Variants in SEPTIN11 observed in about 807,000 individuals in gnomAD.
SEPTIN11 encodes the protein septin 11.
In SEPTIN11, 25 loss-of-function variants were observed where a neutral mutation model predicts 51.4. The observed-to-expected ratio is 0.49, with a 90% CI of 0.35 to 0.68. The LOEUF (loss-of-function observed/expected upper bound fraction) is 0.68. SEPTIN11 is among the 30% of genes least tolerant of loss of function. SEPTIN11 has a pLI of 0.00. For synonymous variants in SEPTIN11, 174 were observed against 184.1 expected (o/e 0.95, Z 0.44); for missense variants, 381 against 520.8 (o/e 0.73, Z 2.61).
chr4:77,022,888 G>A (rs946965703), intron 7 of SEPTIN11, among the ~76,000 whole-genome samples: 2 of 152,170 alleles, frequency 1.3e-5, no homozygotes, highest in African/African-American at 2.4e-5. Flanking sequence ...TGCCACTTAG[G>A]TCTTTCCACC....
At chr4:76,981,488 T>C (rs561828521) in intron 1 of SEPTIN11, among the ~76,000 whole-genome samples, 19 of 152,352 alleles carry the variant, frequency 1.2e-4, no homozygotes, top group African/African-American at 4.6e-4. Flanking sequence ...CAACAGTATG[T>C]GTGAGAAAAA....
intron 1 of SEPTIN11, among the ~76,000 whole-genome samples, chr4:76,976,963 G>A (rs1334452616): frequency 1.3e-5 from 2 of 152,160 alleles, no homozygotes; most frequent in African/African-American, 4.8e-5. Flanking sequence ...GGAATATAAT[G>A]GTTAAAGTAG....
Position 77,034,722 on chromosome 4 carries a change from C to T in SEPTIN11, c.*210C>T, listed in dbSNP as rs1217682620. On this transcript the variant is annotated 3_prime_UTR_variant, in exon 10 of 10. Coordinates refer to ENST00000264893, the MANE Select transcript of SEPTIN11 (RefSeq NM_018243.4). ...GAATAACCGCGAATGCTCTGTGCAG[C>T]TGGACTCTGTTTCCGGAAAGTAAAT... is the stretch of plus-strand genomic sequence containing the variant. 1 of 1,264,094 alleles carries T rather than the reference C, an allele frequency of 7.9e-7. No individual in the cohort carries two copies. Among genetic ancestry groups the T allele is most frequent in the East Asian group, 3.3e-5 (1 of 30,080 alleles). The allele number at this position is 1,264,094 out of a possible 1,614,324, so 78.3% of individuals were successfully genotyped here.
intron 9 of SEPTIN11, among the ~76,000 whole-genome samples, chr4:77,032,698 G>C (rs186810755): frequency 6.6e-6 from 1 of 152,176 alleles, no homozygotes; most frequent in African/African-American, 2.4e-5. Context: ...GTGCATAAAG[G>C]TTCAAGTTTT....
At chr4:77,012,197 T>C (rs980599250) in intron 4 of SEPTIN11, among the ~76,000 whole-genome samples, 2 of 152,134 alleles carry the variant, frequency 1.3e-5, no homozygotes, top group South Asian at 4.1e-4. Flanking sequence ...ACTTCCAGGT[T>C]TGTTTACTTT....
chr4:76,977,877 G>A (rs1000600418), intron 1 of SEPTIN11, among the ~76,000 whole-genome samples: 31 of 152,180 alleles, frequency 2.0e-4, no homozygotes, highest in Admixed American at 1.7e-3. Context: ...AAGCATATGT[G>A]TGTTTGCTCC....
At chr4:76,999,221 A>T (rs561591957) in intron 2 of SEPTIN11, among the ~76,000 whole-genome samples, 1 of 152,324 alleles carries the variant, frequency 6.6e-6, no homozygotes, top group Admixed American at 6.5e-5. Flanking sequence ...TGTCAGCATT[A>T]AATATCATCC....
intron 1 of SEPTIN11, among the ~76,000 whole-genome samples, chr4:76,964,009 T>G (rs577081944): frequency 3.9e-5 from 6 of 152,202 alleles, no homozygotes; most frequent in Non-Finnish European, 7.4e-5. Flanking sequence ...TGTGTCCAAG[T>G]GTTCTCATTG....
chr4:76,976,632 A>G (rs1722516032), intron 1 of SEPTIN11, among the ~76,000 whole-genome samples: 1 of 152,230 alleles, frequency 6.6e-6, no homozygotes, highest in African/African-American at 2.4e-5. Context: ...GTTGGGAGCC[A>G]TCCCACTCTG....
rs564449992 is a variant in SEPTIN11 at position 76,980,604 on chromosome 4, C to T, written c.28-15821C>T. On this transcript the variant is annotated intron_variant, in intron 1 of 9. Coordinates refer to ENST00000264893, the MANE Select transcript of SEPTIN11 (RefSeq NM_018243.4). Reference sequence around the variant, plus strand: ...CCATGATTACAGTGAGATACGTGGTCTGACCCTCTCTATGTGGGAAGGGAT... The same window carrying T: ...CCATGATTACAGTGAGATACGTGGTTTGACCCTCTCTATGTGGGAAGGGAT... Among the ~76,000 whole-genome samples, 19 of 152,308 alleles carry T rather than the reference C, an allele frequency of 1.2e-4. 1 individual carries two copies. In the South Asian group the frequency reaches 3.5e-3, roughly 28 times the overall value.
chr4:76,991,942 A>T (rs922928087), intron 1 of SEPTIN11, among the ~76,000 whole-genome samples: 6 of 152,266 alleles, frequency 3.9e-5, no homozygotes, highest in African/African-American at 1.4e-4. Flanking sequence ...GAGAAAAGTG[A>T]AATTGTCAAG....
At chr4:76,996,400 A>G in intron 1 of SEPTIN11, 25 bp from the exon 2 acceptor site, 1 of 1,543,162 alleles carries the variant, frequency 6.5e-7, no homozygotes, top group Non-Finnish European at 9.0e-7. Flanking sequence ...ATGGACACTC[A>G]AATCTTTCTC....
At chr4:76,987,467 T>C (rs1030230087) in intron 1 of SEPTIN11, among the ~76,000 whole-genome samples, 11 of 152,180 alleles carry the variant, frequency 7.2e-5, no homozygotes, top group Non-Finnish European at 1.5e-4. Context: ...ACCCCAGCAA[T>C]GCTTAGCTTT....
chr4:77,016,633 C>CATATATACACACATATATAT (rs1725289673), intron 5 of SEPTIN11, among the ~76,000 whole-genome samples: 2 of 72,748 alleles, frequency 2.7e-5, no homozygotes, highest in African/African-American at 1.0e-4. Flanking sequence ...TATATATACA[C>CATATATACACACATATATAT]ATATATATAT....
chr4:76,982,138 C>T (rs557966598), intron 1 of SEPTIN11, among the ~76,000 whole-genome samples: 1 of 152,284 alleles, frequency 6.6e-6, no homozygotes, highest in East Asian at 1.9e-4. Flanking sequence ...CTTTCCTTTT[C>T]CTGCTGCCTT....
At chr4:77,014,800 CT>C in intron 4 of SEPTIN11, 55 bp from the exon 5 acceptor site, 1 of 1,550,574 alleles carries the variant, frequency 6.4e-7, no homozygotes, top group East Asian at 2.2e-5. Context: ...GTTTTATTCA[CT>C]TGTCTATTTT....
intron 3 of SEPTIN11, among the ~76,000 whole-genome samples, chr4:77,010,750 G>A (rs765725847): frequency 5.3e-5 from 8 of 152,112 alleles, no homozygotes; most frequent in Admixed American, 1.3e-4. Flanking sequence ...TTGTATCTTC[G>A]GAAAGGCAAT....
At chr4:76,964,297 CA>C (rs1442952532) in intron 1 of SEPTIN11, among the ~76,000 whole-genome samples, 4 of 100,824 alleles carry the variant, frequency 4.0e-5, no homozygotes, top group Non-Finnish European at 6.0e-5. Flanking sequence ...CTTGGCCAAT[CA>C]TTTTTTTTTT....
chr4:76,995,761 T>C, intron 1 of SEPTIN11: 2 of 1,460,410 alleles, frequency 1.4e-6, no homozygotes, highest in South Asian at 2.8e-5. Context: ...TTAAAATGTA[T>C]GATAACTACC....
Sources: allele counts gnomAD v4.1 joint callset (sites outside exome capture counted in the v4.1 genomes callset), GRCh38; gene constraint gnomAD v4.1.1; transcripts MANE v1.5; gene names NCBI Gene and HGNC (gene_info 2026-07-23, HGNC 2026-07-21).